The following GREB1L variants were observed in gnomAD, a reference collection of about 807,000 sequenced individuals.
The protein encoded by GREB1L is GREB1 like retinoic acid receptor coactivator, also known as GREB1-like protein.
A neutral mutation model predicts 200.8 loss-of-function variants in GREB1L; 17 were observed. The ratio of observed to expected loss-of-function variants is 0.08; its 90% CI spans 0.06 to 0.13. The LOEUF is 0.13. Ranked by LOEUF, GREB1L falls within the 10% of genes least tolerant of loss-of-function variation. The pLI is 1.00. For missense variants in GREB1L, 1,657 were observed against 2,367.7 expected (o/e 0.70, Z 6.23); for synonymous variants, 789 against 893.0 (o/e 0.88, Z 2.08).
intron 1 of GREB1L, among the ~76,000 whole-genome samples, chr18:21,251,750 G>A (rs936297296): frequency 1.3e-5 from 2 of 152,108 alleles, no homozygotes; most frequent in African/African-American, 4.8e-5. Context: ...TACAAGACTA[G>A]CCTGACCAAC....
At chr18:21,441,593 C>T (rs2033904746) in intron 10 of GREB1L, 56 bp downstream of exon 10, 1 of 1,456,424 alleles carries the variant, frequency 6.9e-7, no homozygotes, top group African/African-American at 1.4e-5. Context: ...GAGTGTTTTT[C>T]CATTTCATTG....
In GREB1L at chr18:21,505,422, A is replaced by G; in HGVS notation, c.4083A>G (p.Glu1361=). 6.4e-7 allele frequency: 1 copy of G among 1,551,148 alleles called. No individual in the cohort carries two copies. Among genetic ancestry groups the G allele is most frequent in the Non-Finnish European group, 8.7e-7 (1 of 1,146,968 alleles). Residue 1361 remains glutamate (E), a synonymous_variant, in exon 24 of 33, where the codon GAA becomes GAG. Transcript: ENST00000424526. The part of the protein sequence containing the change: ...DEEEINTDHN[E]SSEVSQSEGE... ...TCCTTCTTGTCCTAGATCACAATGA[A>G]AGCAGTGAAGTGAGCCAGTCAGAGG...
rs568629735 is a variant in GREB1L, at chr18:21,347,309, C to A, written c.-119-18718C>A. On this transcript the variant is annotated intron_variant, in intron 1 of 32. Coordinates refer to ENST00000424526, the MANE Select transcript of GREB1L (RefSeq NM_001142966.3). Reference sequence around the variant, plus strand: ...AAAAAAACAAACAAAAACAAAAAAACCAACAACAACTGTAACTGTCTACCA... The same window carrying A: ...AAAAAAACAAACAAAAACAAAAAAAACAACAACAACTGTAACTGTCTACCA... Among the ~76,000 whole-genome samples, 5 of 151,476 alleles carry A rather than the reference C, an allele frequency of 3.3e-5. No individual in the cohort carries two copies. The East Asian group carries it at 5.8e-4, about 18-fold the overall frequency.
intron 15 of GREB1L, chr18:21,468,614 A>C: frequency 2.4e-6 from 1 of 418,082 alleles, no homozygotes; most frequent in South Asian, 1.7e-5. Context: ...CTTAAAGTTA[A>C]CAACTTACCT....
At chr18:21,481,746 A>G (rs1198862181) in intron 17 of GREB1L, among the ~76,000 whole-genome samples, 2 of 151,914 alleles carry the variant, frequency 1.3e-5, no homozygotes, top group Middle Eastern at 6.8e-3. Flanking sequence ...TGGAGTATGT[A>G]CTCTCTTGTA....
At chr18:21,330,144 G>C (rs1313410064) in intron 1 of GREB1L, among the ~76,000 whole-genome samples, 5 of 152,228 alleles carry the variant, frequency 3.3e-5, no homozygotes, top group African/African-American at 9.6e-5. Context: ...TGGGCAGGCA[G>C]GTCAGCTGGA....
intron 7 of GREB1L, among the ~76,000 whole-genome samples, chr18:21,432,943 G>A (rs1307127121): frequency 6.6e-6 from 1 of 151,888 alleles, no homozygotes; most frequent in African/African-American, 2.4e-5. Context: ...CTGACCTCAG[G>A]TAATCCACCC....
intron 7 of GREB1L, among the ~76,000 whole-genome samples, chr18:21,428,511 G>A (rs2032832019): frequency 6.6e-6 from 1 of 150,934 alleles, no homozygotes; most frequent in South Asian, 2.1e-4. Flanking sequence ...CTCTTGAGAT[G>A]ATCATGTGGT....
At chr18:21,444,189 T>A (rs4368249) in intron 10 of GREB1L, 35 bp from the exon 11 acceptor site, 2 of 1,456,128 alleles carry the variant, frequency 1.4e-6, no homozygotes. Flanking sequence ...TAAAAAGAAA[T>A]GTTGAACTGT....
Position 21,315,456 on chromosome 18 carries a change from T to C in GREB1L, c.-119-50571T>C, listed in dbSNP as rs2038853008. Among the ~76,000 whole-genome samples, 5 of 152,280 alleles carry C rather than the reference T, an allele frequency of 3.3e-5. No homozygotes were observed. The South Asian group carries it at 1.0e-3, about 32-fold the overall frequency. ...CCCAGTAATTTTTCATCTCAGAGTA[T>C]GTCATAAGAAATAATCAGCAATAAA... On this transcript the variant is annotated intron_variant, in intron 1 of 32. Coordinates refer to ENST00000424526, the MANE Select transcript of GREB1L (RefSeq NM_001142966.3).
intron 15 of GREB1L, among the ~76,000 whole-genome samples, chr18:21,468,486 C>G (rs1393297057): frequency 1.3e-5 from 2 of 152,130 alleles, no homozygotes; most frequent in Non-Finnish European, 2.9e-5. Flanking sequence ...TGAATATATA[C>G]TAAAAGCCAT....
At chr18:21,358,169 T>C (rs2039531819) in intron 1 of GREB1L, among the ~76,000 whole-genome samples, 1 of 152,190 alleles carries the variant, frequency 6.6e-6, no homozygotes, top group Non-Finnish European at 1.5e-5. Context: ...TTCACCTCCT[T>C]GGTTAAATGT....
At chr18:21,369,160 T>C (rs2039780869) in intron 2 of GREB1L, among the ~76,000 whole-genome samples, 1 of 152,244 alleles carries the variant, frequency 6.6e-6, no homozygotes, top group Non-Finnish European at 1.5e-5. Context: ...TGGTGTTTTA[T>C]GCAGATTTTA....
At position 21,383,568 on chromosome 18, in the gene GREB1L, C is replaced by T. The variant is rs1056072119; in HGVS notation, c.50C>T (p.Ala17Val). Residue 17 changes from alanine (A) to valine (V), a missense_variant, in exon 3 of 33, where the codon GCT becomes GTT. Ala to Val is a moderately conservative substitution (Grantham distance 64). Around this residue, in one of 9 missense-constraint regions of GREB1L, gnomAD observed 121 missense variants for 126.6 expected, o/e 0.96. Transcript: ENST00000424526. ...CTGAAATCTGCTCGATTTGAGGAAG[C>T]TCTCCACAACTCCATAGAAGCCTCC... ...GQLKSARFEE[A>V]LHNSIEASLR... 1.9e-6 allele frequency: 3 copies of T among 1,548,420 alleles called. No homozygotes were observed. Among genetic ancestry groups the T allele is most frequent in the Non-Finnish European group, 2.6e-6 (3 of 1,145,806 alleles).
chr18:21,386,950 C>T (rs956194372), intron 4 of GREB1L, among the ~76,000 whole-genome samples: 2 of 152,190 alleles, frequency 1.3e-5, no homozygotes, highest in Non-Finnish European at 2.9e-5. Context: ...ACCACCTTCC[C>T]TTCATGGGAA....
At chr18:21,273,380 ATATT>A (rs1466244877) in intron 1 of GREB1L, among the ~76,000 whole-genome samples, 9 of 152,190 alleles carry the variant, frequency 5.9e-5, no homozygotes, top group African/African-American at 1.9e-4. Flanking sequence ...TTTCATAAAT[ATATT>A]AAGTATGCTG....
intron 15 of GREB1L, among the ~76,000 whole-genome samples, chr18:21,464,243 T>C (rs1598883620): frequency 6.6e-6 from 1 of 151,976 alleles, no homozygotes; most frequent in African/African-American, 2.4e-5. Flanking sequence ...AAAATGTCAT[T>C]AGGGGGCCGG....
chr18:21,242,673 G>T (rs1164446133), intron 1 of GREB1L, among the ~76,000 whole-genome samples: 1 of 152,204 alleles, frequency 6.6e-6, no homozygotes, highest in Admixed American at 6.5e-5. Flanking sequence ...CGGCCGTGCT[G>T]TCCGCGCCCA....
At position 21,394,766 on chromosome 18, in the gene GREB1L, A is replaced by T. The variant is rs139439416; in HGVS notation, c.356-619A>T. ...AGTAAAATAATCGTATTACATGCAC[A>T]TAAAAACTACGTGGTTTTCAAAGTT... is the stretch of plus-strand genomic sequence containing the variant. On this transcript the variant is annotated intron_variant, in intron 4 of 32. Transcript: ENST00000424526. 2.4e-3 allele frequency among the ~76,000 whole-genome samples: 363 copies of T among 152,180 alleles called. 4 individuals carry two copies. The highest frequency in any genetic ancestry group is 8.3e-3 in the African/African-American group (344 of 41,512).
Sources: gnomAD v4.1 joint callset for allele counts (sites outside exome capture counted in the v4.1 genomes callset) on GRCh38, gnomAD v4.1.1 for gene constraint, gnomAD v4.1.1 regional missense constraint, MANE v1.5 for transcripts, NCBI Gene and HGNC (gene_info 2026-07-23, HGNC 2026-07-21) for gene names.